PPHLN1: variants seen among roughly 807,000 people sequenced by gnomAD.
The protein encoded by PPHLN1 is periphilin 1.
Under a neutral mutation model 51.3 loss-of-function variants are expected in PPHLN1, and 29 were observed. That is an observed-to-expected ratio of 0.57 (90% CI 0.42 to 0.77). PPHLN1 has a LOEUF of 0.77. Among genes scored for constraint, PPHLN1 ranks in the 30% least tolerant of loss-of-function variants. PPHLN1 has a pLI of 0.00. For synonymous variants in PPHLN1, 147 were observed against 147.8 expected (o/e 0.99, Z 0.04); for missense variants, 436 against 438.4 (o/e 0.99, Z 0.05).
At chr12:42,390,331 T>G (rs865832968) in intron 7 of PPHLN1, among the ~76,000 whole-genome samples, 5 of 152,156 alleles carry the variant, frequency 3.3e-5, no homozygotes, top group Admixed American at 1.3e-4. Flanking sequence ...TCAAGGGTGC[T>G]TTACCCACCT....
chr12:42,440,760 G>T (rs2082872183), intron 9 of PPHLN1, among the ~76,000 whole-genome samples: 1 of 152,214 alleles, frequency 6.6e-6, no homozygotes, highest in African/African-American at 2.4e-5. Context: ...TGTATTTTTA[G>T]TAGAGATGGG....
intron 2 of PPHLN1, among the ~76,000 whole-genome samples, chr12:42,338,064 A>G (rs761196644): frequency 6.6e-5 from 10 of 151,904 alleles, no homozygotes; most frequent in Non-Finnish European, 1.2e-4. Context: ...GATTACAGGC[A>G]TGAGCCACTG....
intron 9 of PPHLN1, 61 bp downstream of exon 9, chr12:42,399,055 C>T (rs1004187562): frequency 3.2e-6 from 5 of 1,569,624 alleles, no homozygotes; most frequent in South Asian, 1.2e-5. Context: ...CACATGTAAA[C>T]ATTTATTGAA....
Position 42,419,237 on chromosome 12 carries a change from G to A in PPHLN1, c.909+20243G>A, listed in dbSNP as rs2080759148. ...GAGAATGACATTTTAAATGCTTAGAGCATGTTTTTCTTTTTTTTTCTTGAG... is the reference window on the plus strand; with the variant it reads ...GAGAATGACATTTTAAATGCTTAGAACATGTTTTTCTTTTTTTTTCTTGAG... On this transcript the variant is annotated intron_variant, in intron 9 of 9. Coordinates refer to ENST00000358314, the MANE Select transcript of PPHLN1 (RefSeq NM_201439.2). Among the ~76,000 whole-genome samples the A allele has an allele frequency of 2.6e-5, 4 of 151,996 alleles. No homozygotes were observed. In the South Asian group the frequency reaches 8.3e-4, roughly 32 times the overall value.
chr12:42,405,632 C>A (rs1252813002), intron 9 of PPHLN1, among the ~76,000 whole-genome samples: 1 of 151,164 alleles, frequency 6.6e-6, no homozygotes, highest in African/African-American at 2.5e-5. Flanking sequence ...GGAAATCAGA[C>A]AATGCAATAT....
At chr12:42,426,750 G>A (rs2081534467) in intron 9 of PPHLN1, among the ~76,000 whole-genome samples, 2 of 152,146 alleles carry the variant, frequency 1.3e-5, no homozygotes, top group Admixed American at 6.5e-5. Context: ...TTGTTCTTAG[G>A]TGGTGAGGCC....
chr12:42,442,530 C>T (rs2140019702), downstream of PPHLN1: 1 of 1,440,350 alleles, frequency 6.9e-7, no homozygotes, highest in East Asian at 2.3e-5. Flanking sequence ...GCGGCTCCAG[C>T]TTATCAGGAC....
At chr12:42,413,960 T>C (rs191757593) in intron 9 of PPHLN1, among the ~76,000 whole-genome samples, 7 of 152,276 alleles carry the variant, frequency 4.6e-5, no homozygotes, top group African/African-American at 1.4e-4. Context: ...GGGGTCTTTT[T>C]TGGTTCCATA....
In PPHLN1 at chr12:42,387,439, T is replaced by C. The variant is rs375631170; in HGVS notation, c.569-17T>C. 1.9e-6 allele frequency: 3 copies of C among 1,578,116 alleles called. No homozygotes were observed. In the East Asian group the frequency reaches 6.7e-5, roughly 35 times the overall value. On this transcript the variant is annotated splice_polypyrimidine_tract_variant and intron_variant, in intron 6 of 9. Coordinates refer to ENST00000358314, the MANE Select transcript of PPHLN1 (RefSeq NM_201439.2). ...ATTAGCTAGAAAAAAAATTACATCT[T>C]ATGTTTTCTTATATAGATAAAGAGA...
At chr12:42,338,652 G>A (rs1437745373) in intron 2 of PPHLN1, among the ~76,000 whole-genome samples, 2 of 152,214 alleles carry the variant, frequency 1.3e-5, no homozygotes, top group Non-Finnish European at 2.9e-5. Context: ...GAGAGCTAGT[G>A]TAAGTTACTG....
chr12:42,440,741 C>G (rs2082870801), intron 9 of PPHLN1, among the ~76,000 whole-genome samples: 1 of 152,172 alleles, frequency 6.6e-6, no homozygotes, highest in African/African-American at 2.4e-5. Flanking sequence ...CCGCGCCCAG[C>G]CAATTTTTTG....
chr12:42,338,779 G>T (rs1174645507), intron 2 of PPHLN1, among the ~76,000 whole-genome samples: 1 of 152,082 alleles, frequency 6.6e-6, no homozygotes, highest in East Asian at 1.9e-4. Flanking sequence ...ACACTGTATG[G>T]GCCCCGTCTT....
intron 9 of PPHLN1, among the ~76,000 whole-genome samples, chr12:42,418,211 C>CTTTTTTTTTTTTTTTTTTTTT (rs60029170): frequency 1.0e-5 from 1 of 98,378 alleles, no homozygotes; most frequent in African/African-American, 4.2e-5. Context: ...TCCCGGCCCT[C>CTTTTTTTTTTTTTTTTTTTTT]TTTTTTTTTT....
chr12:42,438,039 G>T (rs1257167587), intron 9 of PPHLN1, among the ~76,000 whole-genome samples: 1 of 152,060 alleles, frequency 6.6e-6, no homozygotes, highest in African/African-American at 2.4e-5. Context: ...ATATTCCATT[G>T]TATGAGTATA....
intron 5 of PPHLN1, among the ~76,000 whole-genome samples, chr12:42,376,407 T>G (rs1445875139): frequency 6.6e-6 from 1 of 152,218 alleles, no homozygotes; most frequent in Non-Finnish European, 1.5e-5. Context: ...CAGAGATAGA[T>G]AGAGTGGGGC....
chr12:42,335,866 CT>C lies in PPHLN1; in HGVS notation c.-20-7del, dbSNP rs746440367. 1,555 of 1,290,804 alleles carry C rather than the reference CT, an allele frequency of 1.2e-3. No individual in the cohort carries two copies. Among genetic ancestry groups the C allele is most frequent in the South Asian group, 3.2e-3 (200 of 61,888 alleles). 80.0% of individuals were successfully genotyped at this position (1,290,804 alleles called of 1,614,324 possible). A position where few individuals can be genotyped will look rare whatever the true frequency, so the allele number is the denominator to read the frequency against. The stretch of plus-strand genomic sequence containing the variant: ...ACTTCCTAGTATAAAATCCATAATT[CT>C]TTTTTTTTTCTTTAGTGGCTTACAG... On this transcript the variant is annotated splice_polypyrimidine_tract_variant and intron_variant, in intron 1 of 9. Transcript: ENST00000358314.
chr12:42,412,915 ATCT>A (rs1487331023), intron 9 of PPHLN1, among the ~76,000 whole-genome samples: 3 of 152,096 alleles, frequency 2.0e-5, no homozygotes, highest in Non-Finnish European at 2.9e-5. Flanking sequence ...TCATTTGTGT[ATCT>A]TCTTTTGAGA....
chr12:42,343,186 TG>T (rs2071748331), intron 2 of PPHLN1, among the ~76,000 whole-genome samples: 1 of 152,122 alleles, frequency 6.6e-6, no homozygotes, highest in African/African-American at 2.4e-5. Flanking sequence ...AATGTATTAA[TG>T]TTGAAATATT....
At chr12:42,342,803 C>T (rs1199706641) in intron 2 of PPHLN1, among the ~76,000 whole-genome samples, 1 of 152,188 alleles carries the variant, frequency 6.6e-6, no homozygotes, top group African/African-American at 2.4e-5. Context: ...TCAAGAACAG[C>T]AACACGTTAT....
Sources: gnomAD v4.1 joint callset for allele counts (sites outside exome capture counted in the v4.1 genomes callset) on GRCh38, gnomAD v4.1.1 for gene constraint, MANE v1.5 for transcripts, NCBI Gene and HGNC (gene_info 2026-07-23, HGNC 2026-07-21) for gene names.